The following YTHDC2 variants were observed in gnomAD, a reference collection of about 807,000 sequenced individuals.
YTHDC2 encodes YTH N6-methyladenosine RNA binding protein C2.
A neutral mutation model predicts 174.9 loss-of-function variants in YTHDC2; 45 were observed. That is an observed-to-expected ratio of 0.26 (90% CI 0.20 to 0.33). The LOEUF (loss-of-function observed/expected upper bound fraction) is 0.33. Ranked by LOEUF, YTHDC2 falls within the 10% of genes least tolerant of loss-of-function variation. The probability of loss-of-function intolerance (pLI) is 1.00; values close to 1 mark genes in which losing one functional copy is unlikely to be tolerated. For synonymous variants in YTHDC2, 657 were observed against 574.5 expected (o/e 1.14, Z -2.05); for missense variants, 1,650 against 1,723.7 (o/e 0.96, Z 0.76).
chr5:113,531,320 G>C (rs1774647343), intron 4 of YTHDC2, among the ~76,000 whole-genome samples: 1 of 152,110 alleles, frequency 6.6e-6, no homozygotes, highest in African/African-American at 2.4e-5. Flanking sequence ...CAGACACTGA[G>C]GAAGGTGCTG....
intron 4 of YTHDC2, among the ~76,000 whole-genome samples, chr5:113,529,197 C>T (rs1774487578): frequency 2.6e-5 from 4 of 152,108 alleles, no homozygotes; most frequent in Admixed American, 2.6e-4. Flanking sequence ...CTCATTTCAG[C>T]TTCTCAATAA....
chr5:113,515,916 AT>A (rs1773390417), intron 2 of YTHDC2, among the ~76,000 whole-genome samples: 1 of 152,196 alleles, frequency 6.6e-6, no homozygotes, highest in South Asian at 2.1e-4. Context: ...TGCTGTCTCT[AT>A]TAAGAGTCTA....
chr5:113,533,184 G>T, intron 5 of YTHDC2, 139 bp downstream of exon 5: 1 of 882,170 alleles, frequency 1.1e-6, no homozygotes, highest in African/African-American at 1.7e-5. Flanking sequence ...AGATATTAAA[G>T]TCATGTCTAA....
chr5:113,585,144 A>G (rs931235812), intron 26 of YTHDC2, among the ~76,000 whole-genome samples: 1 of 152,076 alleles, frequency 6.6e-6, no homozygotes, highest in African/African-American at 2.4e-5. Context: ...TTATAATTTC[A>G]GAATCGAAAA....
chr5:113,561,957 G>GATGT (rs1554099024), intron 18 of YTHDC2, among the ~76,000 whole-genome samples: 4 of 134,872 alleles, frequency 3.0e-5, no homozygotes, highest in African/African-American at 1.1e-4. Flanking sequence ...ATTAATTGTG[G>GATGT]GTGTGTGTGT....
chr5:113,586,886 T>A (rs1217027588), intron 26 of YTHDC2, among the ~76,000 whole-genome samples: 9 of 135,356 alleles, frequency 6.6e-5, no homozygotes, highest in South Asian at 4.4e-4. Flanking sequence ...TATATATATA[T>A]AATATATAAA....
chr5:113,544,380 A>C (rs1580537427), intron 10 of YTHDC2, among the ~76,000 whole-genome samples: 1 of 152,022 alleles, frequency 6.6e-6, no homozygotes, highest in African/African-American at 2.4e-5. Context: ...CAATCTCTTG[A>C]CCTTGTGATC....
At chr5:113,521,010 A>T (rs1336069588) in intron 2 of YTHDC2, among the ~76,000 whole-genome samples, 1 of 152,170 alleles carries the variant, frequency 6.6e-6, no homozygotes, top group Non-Finnish European at 1.5e-5. Context: ...GTGAGCATGC[A>T]GTATTTGGAT....
At chr5:113,537,875 A>G (rs138718277) in intron 7 of YTHDC2, among the ~76,000 whole-genome samples, 18 of 152,204 alleles carry the variant, frequency 1.2e-4, no homozygotes, top group African/African-American at 4.1e-4. Flanking sequence ...TCACAAACCT[A>G]TAAGTTCTTA....
intron 20 of YTHDC2, among the ~76,000 whole-genome samples, chr5:113,565,498 G>C (rs866105253): frequency 5.9e-5 from 9 of 152,170 alleles, no homozygotes; most frequent in African/African-American, 2.2e-4. Context: ...TTCTTAGGTA[G>C]AGTCCAGGGT....
chr5:113,578,392 G>GTT (rs145060796), intron 23 of YTHDC2, among the ~76,000 whole-genome samples: 2 of 148,210 alleles, frequency 1.3e-5, no homozygotes, highest in South Asian at 2.1e-4. Context: ...GTTTTGTTTT[G>GTT]TTTTTTTGTG....
chr5:113,522,147 T>G (rs76505054), intron 2 of YTHDC2, among the ~76,000 whole-genome samples: 3 of 98,968 alleles, frequency 3.0e-5, no homozygotes, highest in African/African-American at 1.4e-4. Context: ...TTTTGTTTTT[T>G]TTTTTTTTGG....
chr5:113,518,556 CGTGTGTGTGTGTGTGTGTGT>C (rs67062871), intron 2 of YTHDC2, among the ~76,000 whole-genome samples: 36 of 144,494 alleles, frequency 2.5e-4, no homozygotes, highest in Admixed American at 4.1e-4. Flanking sequence ...AGTTAGTTTT[CGTGTGTGTGTGTGTGTGTGT>C]GTGTGTGTGT....
chr5:113,592,224 T>C, intron 28 of YTHDC2, 46 bp downstream of exon 28: 1 of 1,522,178 alleles, frequency 6.6e-7, no homozygotes. Context: ...TTTCTGTTTG[T>C]TTTCTGTTAT....
At chr5:113,556,293 C>A in intron 17 of YTHDC2, 159 bp downstream of exon 17, 1 of 445,052 alleles carries the variant, frequency 2.2e-6, no homozygotes, top group Non-Finnish European at 4.0e-6. Flanking sequence ...TTGATACTTC[C>A]TTAAAAGTTG....
chr5:113,514,130 AC>A (rs1773225703), intron 1 of YTHDC2, 48 bp downstream of exon 1: 1 of 1,570,502 alleles, frequency 6.4e-7, no homozygotes, highest in Non-Finnish European at 8.6e-7. Context: ...TACCCCCCTC[AC>A]CCCAGCGCCC....
At chr5:113,547,771 TAGA>T (rs1485768328) in intron 10 of YTHDC2, among the ~76,000 whole-genome samples, 1 of 152,192 alleles carries the variant, frequency 6.6e-6, no homozygotes, top group Non-Finnish European at 1.5e-5. Flanking sequence ...GTTTATTAAA[TAGA>T]AGATAATTGG....
At position 113,549,030 on chromosome 5, in the gene YTHDC2, T is replaced by G. The variant is rs1458102073; in HGVS notation, c.1688+10T>G. 6.2e-7 allele frequency: 1 copy of G among 1,605,288 alleles called. No homozygotes were observed. The highest frequency in any genetic ancestry group is 8.5e-7 in the Non-Finnish European group (1 of 1,173,482). On this transcript the variant is annotated intron_variant, in intron 12 of 29. Transcript: ENST00000161863. ...TTCTAGAATCTTACAGGTAAAACTT[T>G]GTACTATTTTAAATTAATTCTACCG...
intron 8 of YTHDC2, among the ~76,000 whole-genome samples, chr5:113,539,820 A>G (rs779066003): frequency 1.3e-5 from 2 of 152,104 alleles, no homozygotes; most frequent in African/African-American, 2.4e-5. Flanking sequence ...TGTAATCAGC[A>G]ATGCTGATTT....
Sources: allele counts gnomAD v4.1 joint callset (sites outside exome capture counted in the v4.1 genomes callset), GRCh38; gene constraint gnomAD v4.1.1; transcripts MANE v1.5; gene names NCBI Gene and HGNC (gene_info 2026-07-23, HGNC 2026-07-21).